The following TENM2 variants were observed in gnomAD, a reference collection of about 807,000 sequenced individuals.
TENM2 encodes the protein teneurin-2.
Under a neutral mutation model 245.2 loss-of-function variants are expected in TENM2, and 52 were observed. The observed-to-expected ratio is 0.21, with a 90% CI of 0.17 to 0.27. The LOEUF is 0.27. Among genes scored for constraint, TENM2 ranks in the 10% least tolerant of loss-of-function variants. The pLI, the probability that TENM2 is intolerant of heterozygous loss-of-function variation, is 1.00. For missense variants in TENM2, 3,046 were observed against 3,666.8 expected (o/e 0.83, Z 4.37); for synonymous variants, 1,363 against 1,438.9 (o/e 0.95, Z 1.19).
At chr5:167,409,570 A>G (rs1762804059) in intron 2 of TENM2, among the ~76,000 whole-genome samples, 1 of 152,070 alleles carries the variant, frequency 6.6e-6, no homozygotes, top group Non-Finnish European at 1.5e-5. Context: ...AGGAGACTGG[A>G]AGCATGTGCT....
the TENM2 span, among the ~76,000 whole-genome samples, chr5:167,081,442 A>C: frequency 6.6e-6 from 1 of 151,850 alleles, no homozygotes; most frequent in East Asian, 1.9e-4. Context: ...AAAGTTTCTA[A>C]GCCTTTTTTT....
chr5:167,375,590 G>A, intron 2 of TENM2, 117 bp downstream of exon 4: 4 of 1,121,952 alleles, frequency 3.6e-6, no homozygotes, highest in Non-Finnish European at 5.1e-6. Context: ...CTTTGAAATC[G>A]ACCTTGTCTA....
At chr5:167,579,986 G>A (rs966908606) in intron 2 of TENM2, among the ~76,000 whole-genome samples, 1 of 152,144 alleles carries the variant, frequency 6.6e-6, no homozygotes, top group African/African-American at 2.4e-5. Flanking sequence ...TTAAGCCATC[G>A]GAGGCCAAAA....
At chr5:168,072,926 T>G (rs976803014) in intron 7 of TENM2, among the ~76,000 whole-genome samples, 4 of 152,190 alleles carry the variant, frequency 2.6e-5, no homozygotes, top group African/African-American at 9.6e-5. Flanking sequence ...TTCAGCTGGT[T>G]GTCGAGACTC....
intron 2 of TENM2, among the ~76,000 whole-genome samples, chr5:167,703,409 G>A (rs535974597): frequency 2.6e-5 from 4 of 151,748 alleles, no homozygotes; most frequent in East Asian, 2.0e-4. Context: ...GCACACCACC[G>A]TAATCCCAGC....
the TENM2 span, among the ~76,000 whole-genome samples, chr5:167,187,827 A>C: frequency 1.3e-5 from 2 of 152,110 alleles, no homozygotes; most frequent in Non-Finnish European, 2.9e-5. Flanking sequence ...ATAAAGAGGG[A>C]AAATAATTGC....
the TENM2 span, among the ~76,000 whole-genome samples, chr5:166,986,630 A>G: frequency 6.6e-6 from 1 of 152,206 alleles, no homozygotes; most frequent in South Asian, 2.1e-4. Flanking sequence ...CAGGGGGAAA[A>G]CAAACTACTG....
chr5:167,446,155 G>A (rs762283816), intron 2 of TENM2, among the ~76,000 whole-genome samples: 5 of 152,050 alleles, frequency 3.3e-5, no homozygotes, highest in Admixed American at 2.6e-4. Flanking sequence ...GCTTTGAACT[G>A]GGATAAAATA....
At chr5:167,268,807 A>T in the TENM2 span, among the ~76,000 whole-genome samples, 52 of 152,194 alleles carry the variant, frequency 3.4e-4, no homozygotes, top group African/African-American at 1.3e-3. Flanking sequence ...GGATCTTTAC[A>T]GAAGATGTTT....
chr5:167,369,703 A>T (rs36085460), intron 1 of TENM2, among the ~76,000 whole-genome samples: 44,030 of 152,018 alleles, frequency 0.29, 7,168 homozygotes, highest in African/African-American at 0.44. Flanking sequence ...GTATAAAATG[A>T]CTTCTCTTAA....
At chr5:167,171,853 T>G in the TENM2 span, among the ~76,000 whole-genome samples, 1 of 152,160 alleles carries the variant, frequency 6.6e-6, no homozygotes, top group Non-Finnish European at 1.5e-5. Flanking sequence ...TCAGGTTAGC[T>G]TCCGGCCACC....
At chr5:167,114,254 G>T in the TENM2 span, among the ~76,000 whole-genome samples, 1 of 152,150 alleles carries the variant, frequency 6.6e-6, no homozygotes, top group Admixed American at 6.5e-5. Context: ...TTTTCATTCA[G>T]TAACACTTTG....
chr5:167,328,725 C>T (rs1396758579), intron 1 of TENM2, among the ~76,000 whole-genome samples: 1 of 152,146 alleles, frequency 6.6e-6, no homozygotes, highest in African/African-American at 2.4e-5. Flanking sequence ...ATTTTACTTC[C>T]TTTAGCTCTT....
intron 2 of TENM2, among the ~76,000 whole-genome samples, chr5:167,755,510 T>A (rs934347679): frequency 6.6e-6 from 1 of 152,044 alleles, no homozygotes; most frequent in African/African-American, 2.4e-5. Context: ...ATTTATTAAC[T>A]GTAAACATCT....
At chr5:167,695,171 C>G (rs562272110) in intron 2 of TENM2, among the ~76,000 whole-genome samples, 1 of 152,226 alleles carries the variant, frequency 6.6e-6, no homozygotes, top group African/African-American at 2.4e-5. Flanking sequence ...CCTGCAGTGG[C>G]ATTAAATAAG....
chr5:167,933,304 CT>C, intron 3 of TENM2, among the ~76,000 whole-genome samples: 1 of 152,250 alleles, frequency 6.6e-6, no homozygotes, highest in South Asian at 2.1e-4. Flanking sequence ...TAAACAAAAA[CT>C]TCAGAGATGA....
chr5:167,179,387 G>A, the TENM2 span, among the ~76,000 whole-genome samples: 2 of 152,122 alleles, frequency 1.3e-5, no homozygotes, highest in East Asian at 1.9e-4. Flanking sequence ...TAATCAAGTC[G>A]TATAATTATT....
chr5:167,598,444 A>C (rs1776373405), intron 2 of TENM2, among the ~76,000 whole-genome samples: 1 of 152,192 alleles, frequency 6.6e-6, no homozygotes, highest in Non-Finnish European at 1.5e-5. Flanking sequence ...GATATTTTAA[A>C]AGCAACTTGA....
the TENM2 span, among the ~76,000 whole-genome samples, chr5:167,013,825 T>G: frequency 6.6e-6 from 1 of 152,320 alleles, no homozygotes; most frequent in Non-Finnish European, 1.5e-5. Flanking sequence ...TCTGTGTTTT[T>G]GTTTGATTGT....
Sources: allele counts gnomAD v4.1 joint callset (sites outside exome capture counted in the v4.1 genomes callset), GRCh38; gene constraint gnomAD v4.1.1; transcripts MANE v1.5; gene names NCBI Gene and HGNC (gene_info 2026-07-23, HGNC 2026-07-21).